Variants in GRB14 observed in about 807,000 individuals in gnomAD.
GRB14 encodes growth factor receptor-bound protein 14.
In GRB14, 38 loss-of-function variants were observed where a neutral mutation model predicts 69.1. That is an observed-to-expected ratio of 0.55 (90% CI 0.42 to 0.72). The LOEUF is 0.72. Among genes scored for constraint, GRB14 ranks in the 30% least tolerant of loss-of-function variants. GRB14 has a pLI of 0.00. For missense variants in GRB14, 666 were observed against 666.1 expected (o/e 1.00, Z 0.00); for synonymous variants, 247 against 241.3 (o/e 1.02, Z -0.22).
chr2:164,502,321 C>T lies in GRB14; in HGVS notation c.1038G>A (p.Leu346=), dbSNP rs367672734. The change falls in exon 9 of 14, where the codon CTG becomes CTA. Residue 346 remains leucine, a synonymous_variant. Transcript: ENST00000263915. ...GATATGGATGCATATAATTCTGGTA[C>T]AGCTGCATGCCATACTGCAGAATAA... ...AIRLLKYGMQ[L]YQNYMHPYQG... is the part of the protein sequence containing the mutation. 2.1e-5 allele frequency: 33 copies of T among 1,579,946 alleles called. No individual in the cohort carries two copies. The highest frequency in any genetic ancestry group is 7.8e-5 in the South Asian group (7 of 90,058).
intron 8 of GRB14, among the ~76,000 whole-genome samples, chr2:164,506,414 A>C (rs900401325): frequency 5.9e-5 from 9 of 152,338 alleles, no homozygotes; most frequent in African/African-American, 1.9e-4. Flanking sequence ...ATCCACTAGA[A>C]TGACCATAAT....
At chr2:164,613,181 A>G (rs1690206287) in intron 2 of GRB14, among the ~76,000 whole-genome samples, 1 of 152,216 alleles carries the variant, frequency 6.6e-6, no homozygotes, top group Non-Finnish European at 1.5e-5. Flanking sequence ...GAACACTCTG[A>G]ACTGGGTACG....
chr2:164,589,060 T>C (rs1279630022), intron 2 of GRB14, among the ~76,000 whole-genome samples: 1 of 152,218 alleles, frequency 6.6e-6, no homozygotes, highest in East Asian at 1.9e-4. Context: ...TGAGGTAGGA[T>C]TGTATTTTTT....
intron 2 of GRB14, among the ~76,000 whole-genome samples, chr2:164,551,651 C>T (rs1307024840): frequency 2.0e-5 from 3 of 152,092 alleles, no homozygotes; most frequent in Admixed American, 6.6e-5. Flanking sequence ...TTCAGTGCTC[C>T]GCTCACAAAC....
chr2:164,567,907 T>C (rs1689020947), intron 2 of GRB14, among the ~76,000 whole-genome samples: 1 of 152,132 alleles, frequency 6.6e-6, no homozygotes, highest in African/African-American at 2.4e-5. Flanking sequence ...AATGAAGAGA[T>C]TGATATATTA....
intron 12 of GRB14, among the ~76,000 whole-genome samples, chr2:164,496,781 C>G (rs1686909968): frequency 6.6e-6 from 1 of 152,124 alleles, no homozygotes; most frequent in Non-Finnish European, 1.5e-5. Flanking sequence ...ACAAGATACT[C>G]TATTCCGTTA....
intron 6 of GRB14, among the ~76,000 whole-genome samples, chr2:164,516,640 T>C (rs1328583409): frequency 1.3e-5 from 2 of 152,146 alleles, no homozygotes; most frequent in Non-Finnish European, 2.9e-5. Context: ...TAAGCAGTCT[T>C]TTCCAGACAA....
intron 6 of GRB14, among the ~76,000 whole-genome samples, chr2:164,520,832 T>C (rs190623431): frequency 1.1e-4 from 16 of 152,196 alleles, no homozygotes; most frequent in African/African-American, 3.9e-4. Flanking sequence ...CCTGCAAGAA[T>C]GGCCATAATC....
intron 2 of GRB14, among the ~76,000 whole-genome samples, chr2:164,578,396 A>T (rs1010568737): frequency 1.3e-5 from 2 of 152,160 alleles, no homozygotes; most frequent in African/African-American, 4.8e-5. Context: ...TTGAGTAAGT[A>T]TATATGCAAT....
intron 2 of GRB14, among the ~76,000 whole-genome samples, chr2:164,585,810 C>G (rs529820220): frequency 3.5e-4 from 54 of 152,208 alleles, no homozygotes; most frequent in Middle Eastern, 3.4e-3. Context: ...GTTTTGGTCA[C>G]CAGTCAGCTC....
intron 8 of GRB14, among the ~76,000 whole-genome samples, chr2:164,504,143 A>G (rs936108916): frequency 6.6e-6 from 1 of 152,096 alleles, no homozygotes; most frequent in Non-Finnish European, 1.5e-5. Context: ...AGAGAAAAAG[A>G]GAGTCTCCAT....
intron 2 of GRB14, among the ~76,000 whole-genome samples, chr2:164,549,934 A>T (rs917499481): frequency 1.4e-5 from 2 of 140,314 alleles, no homozygotes; most frequent in Admixed American, 1.4e-4. Context: ...AAAATAAAAT[A>T]AAATTTCATA....
At chr2:164,537,781 C>A (rs556601679) in intron 3 of GRB14, among the ~76,000 whole-genome samples, 1 of 152,088 alleles carries the variant, frequency 6.6e-6, no homozygotes, top group African/African-American at 2.4e-5. Flanking sequence ...CCGGTCTGTG[C>A]GTGCCACCAG....
chr2:164,518,985 G>A (rs1193370982), intron 6 of GRB14, among the ~76,000 whole-genome samples: 2 of 151,812 alleles, frequency 1.3e-5, no homozygotes, highest in Middle Eastern at 3.2e-3. Flanking sequence ...TATTCCACAA[G>A]ACAGAAAAAG....
intron 6 of GRB14, among the ~76,000 whole-genome samples, chr2:164,512,449 G>T (rs1443114793): frequency 1.3e-5 from 2 of 152,188 alleles, no homozygotes; most frequent in Non-Finnish European, 2.9e-5. Flanking sequence ...TTACAGGTGT[G>T]AGCCACCACA....
At chr2:164,510,313 G>A (rs1687307500) in intron 6 of GRB14, among the ~76,000 whole-genome samples, 1 of 152,072 alleles carries the variant, frequency 6.6e-6, no homozygotes, top group Non-Finnish European at 1.5e-5. Context: ...CACTGCTAAG[G>A]CTTATGGCAC....
intron 2 of GRB14, among the ~76,000 whole-genome samples, chr2:164,595,260 G>C (rs1387812847): frequency 6.6e-6 from 1 of 152,140 alleles, no homozygotes; most frequent in African/African-American, 2.4e-5. Flanking sequence ...AAGGTTTACT[G>C]TGCCAAAGGC....
intron 2 of GRB14, among the ~76,000 whole-genome samples, chr2:164,553,962 A>AAT (rs1046776656): frequency 4.6e-4 from 70 of 151,062 alleles, no homozygotes; most frequent in South Asian, 1.0e-3. Flanking sequence ...CTCAATAAAG[A>AAT]ATATATATAT....
At chr2:164,512,436 C>T (rs561640390) in intron 6 of GRB14, among the ~76,000 whole-genome samples, 3 of 152,196 alleles carry the variant, frequency 2.0e-5, no homozygotes, top group South Asian at 2.1e-4. Flanking sequence ...CAAAGTACTG[C>T]GATTACAGGT....
Sources: gnomAD v4.1 joint callset for allele counts (sites outside exome capture counted in the v4.1 genomes callset) on GRCh38, gnomAD v4.1.1 for gene constraint, MANE v1.5 for transcripts, NCBI Gene and HGNC (gene_info 2026-07-23, HGNC 2026-07-21) for gene names.